PNPLA5: variants seen among roughly 807,000 people sequenced by gnomAD.
PNPLA5 encodes the protein patatin like domain 5, triacylglycerol lipase.
Under a neutral mutation model 49.1 loss-of-function variants are expected in PNPLA5, and 44 were observed. That is an observed-to-expected ratio of 0.90 (90% CI 0.70 to 1.15). The LOEUF is 1.15. PNPLA5 is among the 50% of genes most tolerant of loss of function. PNPLA5 has a pLI of 0.00. For synonymous variants in PNPLA5, 243 were observed against 244.4 expected (o/e 0.99, Z 0.06); for missense variants, 603 against 564.0 (o/e 1.07, Z -0.70).
At chr22:43,885,847 A>T (rs114557782) in intron 6 of PNPLA5, among the ~76,000 whole-genome samples, 279 of 152,280 alleles carry the variant, frequency 1.8e-3, no homozygotes, top group African/African-American at 6.4e-3. Flanking sequence ...CAATGAGAAC[A>T]ATTCTGTACT....
intron 8 of PNPLA5, 63 bp downstream of exon 8, chr22:43,881,495 C>T (rs948792441): frequency 1.4e-6 from 2 of 1,468,004 alleles, no homozygotes; most frequent in Non-Finnish European, 1.8e-6. Context: ...TCCAGGGAAG[C>T]AGCTGGTGCG....
At chr22:43,888,434 T>A (rs1228500779) in intron 4 of PNPLA5, among the ~76,000 whole-genome samples, 1 of 36,786 alleles carries the variant, frequency 2.7e-5, no homozygotes, top group African/African-American at 6.9e-5. Flanking sequence ...TTCTTTTTTT[T>A]TTTTTTTTTT....
chr22:43,884,951 C>G lies in PNPLA5; in HGVS notation c.950-606G>C, dbSNP rs537529112. Among the ~76,000 whole-genome samples, 245 of 152,316 alleles carry G rather than the reference C, an allele frequency of 1.6e-3. 3 individuals carry two copies. The highest frequency in any genetic ancestry group is 5.5e-3 in the African/African-American group (227 of 41,570). On this transcript the variant is annotated intron_variant, in intron 6 of 8. Coordinates refer to ENST00000216177, the MANE Select transcript of PNPLA5 (RefSeq NM_138814.4). ...ACTGCCCTCTGGAGACGGAGGATTA[C>G]AAGGATTCACAGATAGCACAGGCCA...
intron 7 of PNPLA5, 59 bp from the exon 8 acceptor site, chr22:43,881,733 C>G: frequency 6.3e-7 from 1 of 1,578,674 alleles, no homozygotes; most frequent in Non-Finnish European, 8.6e-7. Context: ...CCCCACCAAG[C>G]CCACCCTCCC....
chr22:43,884,384 G>A, intron 6 of PNPLA5, 39 bp from the exon 7 acceptor site: 1 of 1,500,982 alleles, frequency 6.7e-7, no homozygotes, highest in Non-Finnish European at 8.9e-7. Context: ...CCCACCTGAA[G>A]TCTGTGGGCC....
Position 43,886,390 on chromosome 22 carries a change from C to A in PNPLA5, c.862G>T (p.Gly288Trp), listed in dbSNP as rs753457329. Reference sequence around the variant, plus strand: ...ACTTTCCAGTTGAGAGACAGGCCCCCCTTCCAGCGTTGGTCACAGCCAGCA... The same window carrying A: ...ACTTTCCAGTTGAGAGACAGGCCCCACTTCCAGCGTTGGTCACAGCCAGCA... Reference protein sequence around the residue: ...WDAGCDQRWKGGLSLNWKVPH... With the variant: ...WDAGCDQRWKWGLSLNWKVPH... The change falls in exon 6 of 9, where the codon GGG becomes TGG. Residue 288 changes from glycine (G) to tryptophan (W), a missense_variant. Physicochemically the swap from Gly to Trp is radical, Grantham distance 184. Coordinates refer to ENST00000216177, the MANE Select transcript of PNPLA5 (RefSeq NM_138814.4). 14 of 1,614,192 alleles carry A rather than the reference C, an allele frequency of 8.7e-6. No homozygotes were observed. In the East Asian group the frequency reaches 2.5e-4, roughly 28 times the overall value.
rs952073503 is a variant in PNPLA5 at position 43,891,752 on chromosome 22, G to T, written c.129C>A (p.Arg43=). ...QRAPRLLQGA[R]RIYGSSSGAL... ...CCCCAGACGAGGAACCGTAGATGCG[G>T]CGGGCGCCCTGGAGGAGGCGCGGGG... The change falls in exon 1 of 9, where the codon CGC becomes CGA. Residue 43 remains arginine, a synonymous_variant. Coordinates refer to ENST00000216177, the MANE Select transcript of PNPLA5 (RefSeq NM_138814.4). The T allele has an allele frequency of 3.2e-6, 5 of 1,542,338 alleles. No homozygotes were observed. In the African/African-American group the frequency reaches 6.9e-5, roughly 21 times the overall value.
chr22:43,882,916 C>G (rs184758418), intron 7 of PNPLA5, among the ~76,000 whole-genome samples: 10 of 152,268 alleles, frequency 6.6e-5, no homozygotes, highest in Non-Finnish European at 7.4e-5. Context: ...TAAACCCTTC[C>G]CAGCCTTTCC....
At chr22:43,889,909 T>C in intron 2 of PNPLA5, 45 bp from the exon 3 acceptor site, 1 of 1,605,160 alleles carries the variant, frequency 6.2e-7, no homozygotes, top group Middle Eastern at 1.7e-4. Context: ...GCATGCTTCT[T>C]GCATTCAGAA....
chr22:43,881,759 C>T, intron 7 of PNPLA5, 85 bp from the exon 8 acceptor site: 1 of 1,526,412 alleles, frequency 6.6e-7, no homozygotes, highest in Non-Finnish European at 8.8e-7. Flanking sequence ...GCCCAGAGCA[C>T]AGCCGGGAGC....
rs2049618348 is a variant in PNPLA5 at position 43,882,298 on chromosome 22, T to TAA, written c.1083-625_1083-624insTT. On this transcript the variant is annotated intron_variant, in intron 7 of 8. Coordinates refer to ENST00000216177, the MANE Select transcript of PNPLA5 (RefSeq NM_138814.4). ...GATTCAGGGTCCTTGGAACTGCGTG[T>TAA]TATCCCAGCACAGAGGAGAGACAGC... Among the ~76,000 whole-genome samples the TAA allele has an allele frequency of 2.0e-5, 3 of 152,298 alleles. No homozygotes were observed. In the South Asian group the frequency reaches 6.2e-4, roughly 32 times the overall value.
intron 8 of PNPLA5, 150 bp from the exon 9 acceptor site, chr22:43,881,035 G>A (rs2049604791): frequency 1.6e-6 from 2 of 1,231,362 alleles, no homozygotes; most frequent in Non-Finnish European, 2.0e-6. Context: ...CAGTGTGGCT[G>A]AGCTGGAAGT....
intron 7 of PNPLA5, 48 bp downstream of exon 7, chr22:43,884,165 T>G: frequency 7.0e-7 from 1 of 1,436,202 alleles, no homozygotes; most frequent in Admixed American, 2.4e-5. Context: ...TGGGCACCAG[T>G]CTCCGCCACA....
At chr22:43,884,412 C>T (rs1049450891) in intron 6 of PNPLA5, 67 bp from the exon 7 acceptor site, 3 of 1,466,764 alleles carry the variant, frequency 2.0e-6, no homozygotes, top group African/African-American at 1.4e-5. Flanking sequence ...TGAGCCCCCC[C>T]ATTTCACACA....
intron 8 of PNPLA5, among the ~76,000 whole-genome samples, chr22:43,881,221 C>G (rs924583186): frequency 1.3e-5 from 2 of 152,214 alleles, no homozygotes; most frequent in African/African-American, 4.8e-5. Context: ...CCAGCCTCGT[C>G]CAAGGTCACG....
chr22:43,881,530 C>T (rs760579653), intron 8 of PNPLA5, 28 bp downstream of exon 8: 19 of 1,550,586 alleles, frequency 1.2e-5, no homozygotes, highest in Non-Finnish European at 1.6e-5. Context: ...GCCACCCCCT[C>T]TCCATCCCTG....
chr22:43,890,464 AGCGTGC>A (rs1389746466), intron 2 of PNPLA5, among the ~76,000 whole-genome samples: 12 of 152,198 alleles, frequency 7.9e-5, no homozygotes, highest in African/African-American at 2.7e-4. Flanking sequence ...CCTGCACTTG[AGCGTGC>A]GCGTACACAC....
Position 43,880,891 on chromosome 22 carries a change from G to T in PNPLA5, c.1200-6C>A. 1 of 1,323,824 alleles carries T rather than the reference G, an allele frequency of 7.6e-7. No homozygotes were observed. The highest frequency in any genetic ancestry group is 9.7e-7 in the Non-Finnish European group (1 of 1,028,596). 82.0% of individuals were successfully genotyped at this position (1,323,824 alleles called of 1,614,324 possible). A position where few individuals can be genotyped will look rare whatever the true frequency, so the allele number is the denominator to read the frequency against. ...GGACGCGAGTGGCCGGAGGGCTGTGGAGGGAGGAGAAGCCACGGGTAAATG... is the reference window on the plus strand; with the variant it reads ...GGACGCGAGTGGCCGGAGGGCTGTGTAGGGAGGAGAAGCCACGGGTAAATG... On this transcript the variant is annotated splice_region_variant and splice_polypyrimidine_tract_variant and intron_variant, in intron 8 of 8. Transcript: ENST00000216177.
rs1569507504 is a variant in PNPLA5, at chr22:43,889,810, A to AC, written c.480dup (p.Phe161ValfsTer46). 6.2e-7 allele frequency: 1 copy of AC among 1,612,966 alleles called. No homozygotes were observed. Among genetic ancestry groups the AC allele is most frequent in the South Asian group, 1.1e-5 (1 of 90,942 alleles). On this transcript the variant is annotated frameshift_variant, in exon 3 of 9. Coordinates refer to ENST00000216177, the MANE Select transcript of PNPLA5 (RefSeq NM_138814.4). LOFTEE classifies it high-confidence loss of function. ...CAGAGTGCACTCACCTCCCCTCTGA[A>AC]CTCGGGGGGGATCAGCCCGCAGTAG... is the stretch of plus-strand genomic sequence containing the variant.
Sources: allele counts gnomAD v4.1 joint callset (sites outside exome capture counted in the v4.1 genomes callset), GRCh38; gene constraint gnomAD v4.1.1; transcripts MANE v1.5; gene names NCBI Gene and HGNC (gene_info 2026-07-23, HGNC 2026-07-21).